HNRNPA2B1: variants seen among roughly 807,000 people sequenced by gnomAD.
The protein encoded by HNRNPA2B1 is heterogeneous nuclear ribonucleoproteins A2/B1.
Under a neutral mutation model 46.3 loss-of-function variants are expected in HNRNPA2B1, and 3 were observed. The ratio of observed to expected loss-of-function variants is 0.06; its 90% CI spans 0.03 to 0.17. The LOEUF (loss-of-function observed/expected upper bound fraction) is 0.17, where lower values mean the gene tolerates loss of function less well. Among genes scored for constraint, HNRNPA2B1 ranks in the 10% least tolerant of loss-of-function variants. The pLI is 1.00. For missense variants in HNRNPA2B1, 221 were observed against 418.9 expected, an observed-to-expected ratio of 0.53 and a Z score of 4.12; for synonymous variants, 225 against 133.8, an observed-to-expected ratio of 1.68 and a Z score of -4.70.
Position 26,195,915 on chromosome 7 carries a change from A to C in HNRNPA2B1, c.659-6T>G. ...ACGTCCACTGCCATATCCATCTGTTAGGGGCCAAAAAAAGATTACGTTTAC... is the reference window on the plus strand; with the variant it reads ...ACGTCCACTGCCATATCCATCTGTTCGGGGCCAAAAAAAGATTACGTTTAC... On this transcript the variant is annotated splice_region_variant and splice_polypyrimidine_tract_variant and intron_variant, in intron 6 of 10. Coordinates refer to ENST00000618183, the MANE Select transcript of HNRNPA2B1 (RefSeq NM_002137.4). 6.2e-7 allele frequency: 1 copy of C among 1,600,026 alleles called. No individual in the cohort carries two copies. The highest frequency in any genetic ancestry group is 8.5e-7 in the Non-Finnish European group (1 of 1,176,310).
At chr7:26,200,166 G>A (rs927629674) in intron 1 of HNRNPA2B1, 8 of 233,776 alleles carry the variant, frequency 3.4e-5, no homozygotes, top group South Asian at 6.6e-5. Flanking sequence ...TCCCGGGAGA[G>A]AGGGGGAGGG....
intron 7 of HNRNPA2B1, 131 bp downstream of exon 7, chr7:26,195,716 A>T (rs1783506099): frequency 1.1e-6 from 1 of 946,948 alleles, no homozygotes; most frequent in Admixed American, 3.1e-5. Flanking sequence ...AAATAACTGG[A>T]CCACTATCAC....
In HNRNPA2B1 at chr7:26,191,721, G is replaced by C. The variant is rs969254540; in HGVS notation, c.*639C>G. The C allele has an allele frequency of 6.6e-6, 1 of 152,244 alleles. No homozygotes were observed. Among genetic ancestry groups the C allele is most frequent in the Non-Finnish European group, 1.5e-5 (1 of 68,016 alleles). The allele number at this position is 152,244 out of a possible 1,614,324, so 9.4% of individuals were successfully genotyped here. A position where few individuals can be genotyped will look rare whatever the true frequency, so the allele number is the denominator to read the frequency against. On this transcript the variant is annotated 3_prime_UTR_variant, in exon 11 of 11. Transcript: ENST00000618183. ...CATAATTTAATCCTGATGAATTGCA[G>C]ACAACACACTTACATCTGACCAGCA...
chr7:26,194,912 G>A (rs572403176), intron 7 of HNRNPA2B1, among the ~76,000 whole-genome samples: 8 of 151,734 alleles, frequency 5.3e-5, no homozygotes, highest in Admixed American at 5.2e-4. Flanking sequence ...TGACCAACAT[G>A]GGGAAACCCC....
At chr7:26,199,056 TTC>T (rs768190006) in intron 1 of HNRNPA2B1, 30 of 152,260 alleles carry the variant, frequency 2.0e-4, no homozygotes, top group Middle Eastern at 6.3e-3. Flanking sequence ...GATAGTTATT[TTC>T]ATTTTTTCAG....
At chr7:26,197,988 T>C (rs574232094) in intron 1 of HNRNPA2B1, 9 of 537,362 alleles carry the variant, frequency 1.7e-5, no homozygotes, top group East Asian at 1.3e-4. Context: ...TAATGCTTGA[T>C]ATAAATTTAC....
chr7:26,196,142 G>T (rs548215069), intron 6 of HNRNPA2B1, among the ~76,000 whole-genome samples: 1 of 152,290 alleles, frequency 6.6e-6, no homozygotes, highest in African/African-American at 2.4e-5. Flanking sequence ...TTATACGTAA[G>T]AATGACACTT....
At position 26,191,323 on chromosome 7, in the gene HNRNPA2B1, T is replaced by G. The variant is rs1782898498; in HGVS notation, c.*1037A>C. On this transcript the variant is annotated 3_prime_UTR_variant, in exon 11 of 11. Transcript: ENST00000618183. ...TGTTAAACTCAATTTATAGCTATGTTAAACTACGTAAGAACCACTATACTG... is the reference window on the plus strand; with the variant it reads ...TGTTAAACTCAATTTATAGCTATGTGAAACTACGTAAGAACCACTATACTG... 6.6e-6 allele frequency: 1 copy of G among 152,220 alleles called. No homozygotes were observed. The highest frequency in any genetic ancestry group is 2.4e-5 in the African/African-American group (1 of 41,456). The allele number at this position is 152,220 out of a possible 1,614,324, so 9.4% of individuals were successfully genotyped here.
rs1384936087 is a variant in HNRNPA2B1, at chr7:26,190,776, G to C, written c.*1584C>G. On this transcript the variant is annotated 3_prime_UTR_variant, in exon 11 of 11. Coordinates refer to ENST00000618183, the MANE Select transcript of HNRNPA2B1 (RefSeq NM_002137.4). ...CAGACAAGACACTTCACTCAAGTAT[G>C]AACTACTATCTGAAAATAGATTCAA... The C allele has an allele frequency of 2.0e-5, 3 of 152,286 alleles. No individual in the cohort carries two copies. The highest frequency in any genetic ancestry group is 2.9e-5 in the Non-Finnish European group (2 of 68,020). 9.4% of individuals were successfully genotyped at this position (152,286 alleles called of 1,614,324 possible).
At chr7:26,199,719 T>C (rs1186440791) in intron 1 of HNRNPA2B1, 3 of 152,194 alleles carry the variant, frequency 2.0e-5, no homozygotes, top group African/African-American at 7.2e-5. Context: ...TCTGTCGTTT[T>C]ACTGACTGCA....
intron 1 of HNRNPA2B1, chr7:26,198,670 T>C (rs1227294975): frequency 1.3e-5 from 2 of 152,248 alleles, no homozygotes; most frequent in African/African-American, 2.4e-5. Context: ...ACTACACAGC[T>C]GTATTCTGGG....
At chr7:26,199,448 T>TA (rs1178419651) in intron 1 of HNRNPA2B1, 1 of 152,274 alleles carries the variant, frequency 6.6e-6, no homozygotes, top group Non-Finnish European at 1.5e-5. Flanking sequence ...AGCCATGTTT[T>TA]AATCGAAGTA....
rs995745544 is a variant in HNRNPA2B1, at chr7:26,193,770, C to A, written c.722-76G>T. ...TTGAACTGTCTCCTCACATCCATTT[C>A]CAGCTTTCCAAGTTTCCATGTGAAA... On this transcript the variant is annotated intron_variant, in intron 7 of 10. Coordinates refer to ENST00000618183, the MANE Select transcript of HNRNPA2B1 (RefSeq NM_002137.4). 1.3e-5 allele frequency: 16 copies of A among 1,236,208 alleles called. No individual in the cohort carries two copies. In the African/African-American group the frequency reaches 2.3e-4, roughly 18 times the overall value. 76.6% of individuals were successfully genotyped at this position (1,236,208 alleles called of 1,614,324 possible).
At position 26,195,888 on chromosome 7, in the gene HNRNPA2B1, C is replaced by T; in HGVS notation, c.680G>A (p.Gly227Glu). 1 of 1,609,918 alleles carries T rather than the reference C, an allele frequency of 6.2e-7. No homozygotes were observed. Among genetic ancestry groups the T allele is most frequent in the Non-Finnish European group, 8.5e-7 (1 of 1,178,792 alleles). ...ATACCCATTATAGCCATCCCCAAATCCACGTCCACTGCCATATCCATCTGT... is the reference window on the plus strand; with the variant it reads ...ATACCCATTATAGCCATCCCCAAATTCACGTCCACTGCCATATCCATCTGT... Reference protein sequence around the residue: ...GGSDGYGSGRGFGDGYNGYGG... With the variant: ...GGSDGYGSGREFGDGYNGYGG... Residue 227 changes from glycine to glutamate, a missense_variant, in exon 7 of 11, where the codon GGA (glycine) becomes GAA (glutamate). Gly to Glu is a moderately conservative substitution (Grantham distance 98, BLOSUM62 -2). Transcript: ENST00000618183.
chr7:26,196,726 T>C (rs1436842583), intron 4 of HNRNPA2B1, 68 bp from the exon 5 acceptor site: 3 of 1,569,906 alleles, frequency 1.9e-6, no homozygotes, highest in Admixed American at 3.4e-5. Context: ...AAAGTTTACC[T>C]TTCAATAAAG....
chr7:26,195,092 CAAAAA>C (rs11356411), intron 7 of HNRNPA2B1, among the ~76,000 whole-genome samples: 5 of 51,952 alleles, frequency 9.6e-5, no homozygotes, highest in Admixed American at 4.0e-4. Flanking sequence ...GGCTCCGTCT[CAAAAA>C]AAAAAAAAAA....
chr7:26,195,031 T>C (rs548008982), intron 7 of HNRNPA2B1, among the ~76,000 whole-genome samples: 7 of 146,290 alleles, frequency 4.8e-5, no homozygotes, highest in South Asian at 4.2e-4. Flanking sequence ...AAGGCAGAGA[T>C]TGCAGTGAGC....
At chr7:26,200,204 C>G in intron 1 of HNRNPA2B1, 1 of 304,592 alleles carries the variant, frequency 3.3e-6, no homozygotes, top group South Asian at 3.9e-5. Flanking sequence ...CTCACGAGGA[C>G]CTGCTGCCCG....
chr7:26,197,529 A>AT (rs1277509644), intron 2 of HNRNPA2B1, 68 bp from the exon 3 acceptor site: 4 of 1,575,564 alleles, frequency 2.5e-6, no homozygotes, highest in East Asian at 4.5e-5. Flanking sequence ...TCATAATAGA[A>AT]TTTTTTACTA....
Sources: allele counts gnomAD v4.1 joint callset (sites outside exome capture counted in the v4.1 genomes callset), GRCh38; gene constraint gnomAD v4.1.1; transcripts MANE v1.5; gene names NCBI Gene and HGNC (gene_info 2026-07-23, HGNC 2026-07-21).